PTPN7: variants seen among roughly 807,000 people sequenced by gnomAD.
PTPN7 encodes the protein tyrosine-protein phosphatase non-receptor type 7.
PTPN7 carries 33 observed loss-of-function variants against 50.3 expected under a neutral mutation model. The observed-to-expected ratio is 0.66, with a 90% CI of 0.50 to 0.88. PTPN7 has a LOEUF of 0.88. PTPN7 is among the 40% of genes least tolerant of loss of function. The pLI, the probability that PTPN7 is intolerant of heterozygous loss-of-function variation, is 0.00. For missense variants in PTPN7, 412 were observed against 475.4 expected (o/e 0.87, Z 1.24); for synonymous variants, 185 against 186.6 (o/e 0.99, Z 0.07).
Position 202,159,950 on chromosome 1 carries a change from C to G in PTPN7, c.-52-496G>C. ...CGGGCTCCTGGACCCCAGCAGGGTC[C>G]TCTCCTAACTGCTGCTGTTCCACTC... On this transcript the variant is annotated intron_variant, in intron 1 of 9. Transcript: ENST00000691036. The surrounding 1 kb of genome is among the most constrained non-coding windows in gnomAD (Gnocchi z 4.6). 1 of 1,004,044 alleles carries G rather than the reference C, an allele frequency of 1.0e-6. No individual in the cohort carries two copies. Among genetic ancestry groups the G allele is most frequent in the Non-Finnish European group, 1.2e-6 (1 of 841,792 alleles). 62.2% of individuals were successfully genotyped at this position (1,004,044 alleles called of 1,614,324 possible).
rs1656823398 is a variant in PTPN7, at chr1:202,157,630, T to G, written c.391+109A>C. The G allele has an allele frequency of 3.0e-6, 3 of 994,648 alleles. No individual in the cohort carries two copies. The East Asian group carries it at 7.3e-5, about 24-fold the overall frequency. The allele number at this position is 994,648 out of a possible 1,614,324, so 61.6% of individuals were successfully genotyped here. ...CCCCTTTCTCTGCTGAGAGAAGATG[T>G]GCCAAGCAAGGTTGATCTTCCCTGG... On this transcript the variant is annotated intron_variant, in intron 4 of 9. Coordinates refer to ENST00000691036, the MANE Select transcript of PTPN7 (RefSeq NM_002832.4).
chr1:202,154,117 G>T, intron 6 of PTPN7, 69 bp downstream of exon 6: 11 of 1,598,274 alleles, frequency 6.9e-6, no homozygotes, highest in Non-Finnish European at 9.4e-6. Flanking sequence ...GCTGCCCTGT[G>T]TGTGGGGTGG....
chr1:202,154,709 G>A (rs1656455617), intron 5 of PTPN7, among the ~76,000 whole-genome samples: 4 of 152,182 alleles, frequency 2.6e-5, no homozygotes, highest in Admixed American at 2.6e-4. Flanking sequence ...TTCCTCCCCT[G>A]CTGCTTTCTT....
chr1:202,152,571 G>A lies in PTPN7; in HGVS notation c.846C>T (p.Ala282=). 1 of 1,613,492 alleles carries A rather than the reference G, an allele frequency of 6.2e-7. No individual in the cohort carries two copies. The change falls in exon 8 of 10, where the codon GCC becomes GCT. Residue 282 remains alanine, a synonymous_variant. Coordinates refer to ENST00000691036, the MANE Select transcript of PTPN7 (RefSeq NM_002832.4). ...AEVEESPETA[A]HPGPIVVHCS... is the part of the protein sequence containing the mutation. The stretch of plus-strand genomic sequence containing the variant: ...AGTGGACTACGATAGGCCCGGGGTG[G>A]GCGGCTGTCTCCGGGCTCTCCTCCA...
In PTPN7 at chr1:202,160,112, C is replaced by T; in HGVS notation, c.-53+433G>A. ...ATGGCCTCACCAAGCCCTTGAACGA[C>T]AGCGCATGGTGAGGCGACAGCTGGG... is the stretch of plus-strand genomic sequence containing the variant. On this transcript the variant is annotated intron_variant, in intron 1 of 9. Transcript: ENST00000691036. This position sits in a 1 kb window ranked among gnomAD's most constrained non-coding sequence, Gnocchi z 4.8. 1 of 481,048 alleles carries T rather than the reference C, an allele frequency of 2.1e-6. No individual in the cohort carries two copies. The highest frequency in any genetic ancestry group is 2.8e-6 in the Non-Finnish European group (1 of 362,838). The allele number at this position is 481,048 out of a possible 1,614,324, so 29.8% of individuals were successfully genotyped here. A position where few individuals can be genotyped will look rare whatever the true frequency, so the allele number is the denominator to read the frequency against.
Position 202,159,118 on chromosome 1 carries a change from A to G in PTPN7, c.122+163T>C. 1 of 667,590 alleles carries G rather than the reference A, an allele frequency of 1.5e-6. No individual in the cohort carries two copies. The highest frequency in any genetic ancestry group is 2.6e-6 in the Non-Finnish European group (1 of 383,170). The allele number at this position is 667,590 out of a possible 1,614,324, so 41.4% of individuals were successfully genotyped here. A position where few individuals can be genotyped will look rare whatever the true frequency, so the allele number is the denominator to read the frequency against. ...TGAAACTCTGTGCTCCAGACATGCA[A>G]AAGACATGCAAATGAGCACTACTGG... On this transcript the variant is annotated intron_variant, in intron 2 of 9. Transcript: ENST00000691036. The surrounding 1 kb of genome is among the most constrained non-coding windows in gnomAD (Gnocchi z 4.6).
At position 202,160,406 on chromosome 1, in the gene PTPN7, G is replaced by C. The variant is rs1657242568; in HGVS notation, c.-53+139C>G. 8.0e-6 allele frequency: 7 copies of C among 880,114 alleles called. No individual in the cohort carries two copies. The highest frequency in any genetic ancestry group is 1.2e-5 in the Non-Finnish European group (7 of 576,898). The allele number at this position is 880,114 out of a possible 1,614,324, so 54.5% of individuals were successfully genotyped here. On this transcript the variant is annotated intron_variant, in intron 1 of 9. Coordinates refer to ENST00000691036, the MANE Select transcript of PTPN7 (RefSeq NM_002832.4). The surrounding 1 kb of genome is among the most constrained non-coding windows in gnomAD (Gnocchi z 4.8). ...CCCCCGTCTTGGGGACATCAGGTCT[G>C]TGAGCACCCATACCCCAGCCAGGCA... is the stretch of plus-strand genomic sequence containing the variant.
rs528914305 is a variant in PTPN7, at chr1:202,159,831, G to A, written c.-52-377C>T. ...CTCTAGGACGGAAGGGAGAAAGCAC[G>A]CAGAAGCCATCTCTGAGCTAACCAG... On this transcript the variant is annotated intron_variant, in intron 1 of 9. Coordinates refer to ENST00000691036, the MANE Select transcript of PTPN7 (RefSeq NM_002832.4). This position sits in a 1 kb window ranked among gnomAD's most constrained non-coding sequence, Gnocchi z 4.6. 45 of 1,107,710 alleles carry A rather than the reference G, an allele frequency of 4.1e-5. No homozygotes were observed. Among genetic ancestry groups the A allele is most frequent in the South Asian group, 1.5e-4 (4 of 26,272 alleles). The allele number at this position is 1,107,710 out of a possible 1,614,324, so 68.6% of individuals were successfully genotyped here.
intron 8 of PTPN7, among the ~76,000 whole-genome samples, chr1:202,151,675 G>A (rs947621461): frequency 5.9e-5 from 9 of 152,046 alleles, no homozygotes; most frequent in African/African-American, 2.2e-4. Flanking sequence ...GCGCCACCAT[G>A]TGTGGCTAAT....
intron 8 of PTPN7, among the ~76,000 whole-genome samples, 171 bp downstream of exon 8, chr1:202,152,371 G>A (rs1203536036): frequency 2.6e-5 from 4 of 152,218 alleles, no homozygotes; most frequent in Non-Finnish European, 5.9e-5. Context: ...TGGGTTCTGC[G>A]TGAAGGAGGT....
At chr1:202,157,967 C>A in intron 3 of PTPN7, 144 bp from the exon 4 acceptor site, 1 of 1,249,542 alleles carries the variant, frequency 8.0e-7, no homozygotes, top group South Asian at 1.5e-5. Flanking sequence ...GAAGGGGAAG[C>A]CTGGGGGCAG....
chr1:202,152,574 G>C lies in PTPN7; in HGVS notation c.843C>G (p.Ala281=), dbSNP rs766956221. 3.7e-6 allele frequency: 6 copies of C among 1,613,504 alleles called. No individual in the cohort carries two copies. Among genetic ancestry groups the C allele is most frequent in the Non-Finnish European group, 5.1e-6 (6 of 1,180,004 alleles). ...VAEVEESPET[A]AHPGPIVVHC... is the part of the protein sequence containing the mutation. ...GGACTACGATAGGCCCGGGGTGGGC[G>C]GCTGTCTCCGGGCTCTCCTCCACCT... Residue 281 remains alanine (A), a synonymous_variant, in exon 8 of 10, where the codon GCC becomes GCG. Transcript: ENST00000691036.
At chr1:202,158,769 C>A (rs942700138) in intron 2 of PTPN7, 9 of 163,406 alleles carry the variant, frequency 5.5e-5, no homozygotes, top group African/African-American at 1.9e-4. Context: ...AGGGTTTGGG[C>A]CCCTGCTGTG....
intron 5 of PTPN7, 117 bp from the exon 6 acceptor site, chr1:202,154,440 G>A (rs1004546305): frequency 3.3e-5 from 40 of 1,225,788 alleles, no homozygotes; most frequent in Admixed American, 1.6e-4. Flanking sequence ...ACGTGTAGAC[G>A]TACACATGCA....
chr1:202,161,374 T>C (rs1657358488), upstream of PTPN7: 11 of 1,252,926 alleles, frequency 8.8e-6, no homozygotes, highest in Non-Finnish European at 1.1e-5. Context: ...TGACATCTAC[T>C]TAGAAGACTT....
chr1:202,148,593 A>T lies in PTPN7; in HGVS notation c.*13T>A. ...GGGAGGTAGGCACCTGGGCCACCGGAGGGTGGCAGGGGTCAGGGGCTGGGT... is the reference window on the plus strand; with the variant it reads ...GGGAGGTAGGCACCTGGGCCACCGGTGGGTGGCAGGGGTCAGGGGCTGGGT... On this transcript the variant is annotated 3_prime_UTR_variant, in exon 10 of 10. Coordinates refer to ENST00000691036, the MANE Select transcript of PTPN7 (RefSeq NM_002832.4). 2 of 1,610,718 alleles carry T rather than the reference A, an allele frequency of 1.2e-6. No homozygotes were observed. Among genetic ancestry groups the T allele is most frequent in the Non-Finnish European group, 1.7e-6 (2 of 1,177,380 alleles).
chr1:202,159,345 C>T lies in PTPN7; in HGVS notation c.58G>A (p.Ala20Thr), dbSNP rs763168653. The T allele has an allele frequency of 4.3e-6, 7 of 1,614,054 alleles. No homozygotes were observed. Among genetic ancestry groups the T allele is most frequent in the Middle Eastern group, 1.6e-4 (1 of 6,082 alleles). Residue 20 changes from alanine to threonine, a missense_variant, in exon 2 of 10, where the codon GCA becomes ACA. By Grantham distance (58) the Ala-to-Thr change is moderately conservative. Transcript: ENST00000691036. The surrounding 1 kb of genome is among the most constrained non-coding windows in gnomAD (Gnocchi z 4.6). ...TCAGGCGGAGGCTGGGTCATGGCTG[C>T]CCCCAAAGACAAGGTCAACGGCTGT... ...RAQPLTLSLG[A>T]AMTQPPPEKT...
At chr1:202,160,803 A>G, upstream of PTPN7, 1 of 1,541,262 alleles carries the variant, frequency 6.5e-7, no homozygotes, top group Non-Finnish European at 8.8e-7. The surrounding 1 kb of genome is among the most constrained non-coding windows in gnomAD (Gnocchi z 4.8). Context: ...GGCCTTCCCG[A>G]CCATCCTGCT....
rs748877697 is a variant in PTPN7, at chr1:202,148,709, G to A, written c.990-10C>T. ...CTGGATCATCCCCCCTCTGCAAGGAGAAACACACAGACCATGAGTGAAGGA... is the reference window on the plus strand; with the variant it reads ...CTGGATCATCCCCCCTCTGCAAGGAAAAACACACAGACCATGAGTGAAGGA... On this transcript the variant is annotated splice_polypyrimidine_tract_variant and intron_variant, in intron 9 of 9. Coordinates refer to ENST00000691036, the MANE Select transcript of PTPN7 (RefSeq NM_002832.4). 4.3e-6 allele frequency: 7 copies of A among 1,612,352 alleles called. No homozygotes were observed. In the South Asian group the frequency reaches 6.6e-5, roughly 15 times the overall value.
Sources: allele counts gnomAD v4.1 joint callset (sites outside exome capture counted in the v4.1 genomes callset), GRCh38; gene constraint gnomAD v4.1.1; non-coding constraint Gnocchi (gnomAD v3.1); transcripts MANE v1.5; gene names NCBI Gene and HGNC (gene_info 2026-07-23, HGNC 2026-07-21).